CACNA2D3: variants seen among roughly 807,000 people sequenced by gnomAD.
CACNA2D3 encodes calcium voltage-gated channel auxiliary subunit alpha2delta 3, also known as voltage-dependent calcium channel subunit alpha-2/delta-3.
A neutral mutation model predicts 160.6 loss-of-function variants in CACNA2D3; 60 were observed. That is an observed-to-expected ratio of 0.37 (90% CI 0.30 to 0.46). The LOEUF (loss-of-function observed/expected upper bound fraction) is 0.46. Among genes scored for constraint, CACNA2D3 ranks in the 20% least tolerant of loss-of-function variants. The pLI, the probability that CACNA2D3 is intolerant of heterozygous loss-of-function variation, is 1.00. For missense variants in CACNA2D3, 1,205 were observed against 1,365.0 expected, an observed-to-expected ratio of 0.88 and a Z score of 1.85; for synonymous variants, 558 against 492.9, an observed-to-expected ratio of 1.13 and a Z score of -1.75.
At chr3:54,992,305 T>C (rs1222875868) in intron 31 of CACNA2D3, among the ~76,000 whole-genome samples, 1 of 152,166 alleles carries the variant, frequency 6.6e-6, no homozygotes, top group Non-Finnish European at 1.5e-5. Context: ...TAATTATTCA[T>C]ATACCTACAA....
chr3:54,941,787 G>T (rs1260340252), intron 27 of CACNA2D3, among the ~76,000 whole-genome samples: 1 of 152,178 alleles, frequency 6.6e-6, no homozygotes, highest in Admixed American at 6.5e-5. Flanking sequence ...TAAGTCAAAG[G>T]CTAGGGTGAG....
At chr3:54,492,868 C>A (rs1460905099) in intron 4 of CACNA2D3, among the ~76,000 whole-genome samples, 1 of 152,146 alleles carries the variant, frequency 6.6e-6, no homozygotes. Context: ...TCTGGACATG[C>A]TGCATCTGGG....
chr3:54,873,801 T>C (rs1699597615), intron 18 of CACNA2D3, among the ~76,000 whole-genome samples: 1 of 152,228 alleles, frequency 6.6e-6, no homozygotes, highest in African/African-American at 2.4e-5. Flanking sequence ...ATTCCTTCTC[T>C]ATCAACATAT....
intron 2 of CACNA2D3, among the ~76,000 whole-genome samples, chr3:54,141,435 C>T (rs551002377): frequency 2.0e-4 from 31 of 152,226 alleles, no homozygotes; most frequent in East Asian, 5.8e-4. Flanking sequence ...TTCATTTTCC[C>T]GAGGCAATGG....
At chr3:54,788,986 C>T (rs1702692806) in intron 13 of CACNA2D3, among the ~76,000 whole-genome samples, 1 of 152,134 alleles carries the variant, frequency 6.6e-6, no homozygotes, top group Non-Finnish European at 1.5e-5. Flanking sequence ...TGGGTTCATG[C>T]ATTGTTGATT....
intron 32 of CACNA2D3, among the ~76,000 whole-genome samples, chr3:55,006,590 C>T (rs921702131): frequency 2.6e-5 from 4 of 152,202 alleles, no homozygotes; most frequent in African/African-American, 7.2e-5. Flanking sequence ...CTAATCCTGG[C>T]GGCCCAGAAC....
chr3:54,635,566 G>A (rs1346170308), intron 10 of CACNA2D3, among the ~76,000 whole-genome samples: 1 of 138,680 alleles, frequency 7.2e-6, no homozygotes, highest in Admixed American at 7.1e-5. Context: ...ATAAAAAGGA[G>A]CATCTATACA....
intron 17 of CACNA2D3, among the ~76,000 whole-genome samples, chr3:54,861,114 G>C (rs1699282205): frequency 6.6e-6 from 1 of 152,164 alleles, no homozygotes; most frequent in South Asian, 2.1e-4. Flanking sequence ...TTAGGACCTA[G>C]TAGGGGAAAC....
At chr3:55,038,312 C>G (rs995634175) in intron 35 of CACNA2D3, among the ~76,000 whole-genome samples, 1 of 152,034 alleles carries the variant, frequency 6.6e-6, no homozygotes, top group African/African-American at 2.4e-5. Flanking sequence ...ACAATTTTCA[C>G]GCAGGAGACG....
intron 32 of CACNA2D3, 113 bp downstream of exon 32, chr3:55,004,951 A>C: frequency 1.4e-6 from 1 of 701,606 alleles, no homozygotes; most frequent in South Asian, 2.0e-5. Flanking sequence ...AAAATCATGA[A>C]CATTTTGACT....
At chr3:54,192,965 A>G (rs1459689682) in intron 2 of CACNA2D3, among the ~76,000 whole-genome samples, 1 of 152,232 alleles carries the variant, frequency 6.6e-6, no homozygotes, top group Non-Finnish European at 1.5e-5. Context: ...AGCCCAGCAC[A>G]GGCTATCCTT....
In CACNA2D3 at chr3:54,595,966, C is replaced by T. The variant is rs577877066; in HGVS notation, c.963+14089C>T. Reference sequence around the variant, plus strand: ...AGGGCCCCTTGAATGCCACTCAGAGCCCATTTACTCTTACTTGGCATACAA... The same window carrying T: ...AGGGCCCCTTGAATGCCACTCAGAGTCCATTTACTCTTACTTGGCATACAA... On this transcript the variant is annotated intron_variant, in intron 9 of 37. Transcript: ENST00000474759. Among the ~76,000 whole-genome samples the T allele has an allele frequency of 2.5e-4, 38 of 152,184 alleles. 1 individual carries two copies. The highest frequency in any genetic ancestry group is 8.0e-4 in the African/African-American group (33 of 41,504).
chr3:54,725,362 G>A (rs1701256686), intron 11 of CACNA2D3, among the ~76,000 whole-genome samples: 1 of 152,144 alleles, frequency 6.6e-6, no homozygotes, highest in African/African-American at 2.4e-5. Flanking sequence ...CATTCCTTCT[G>A]AAACTATTCC....
At chr3:54,887,663 C>T (rs777600674) in intron 23 of CACNA2D3, among the ~76,000 whole-genome samples, 1 of 152,064 alleles carries the variant, frequency 6.6e-6, no homozygotes, top group African/African-American at 2.4e-5. Context: ...GGGACTCAGC[C>T]TGCTGGTCCA....
In CACNA2D3 at chr3:54,531,036, CG is replaced by C. The variant is rs1159567284; in HGVS notation, c.544+27384del. ...TAAAGAACACAGAGTTCAGGACACC[CG>C]GAATAAGCCCTTTAAGAGCCTGCAG... On this transcript the variant is annotated intron_variant, in intron 5 of 37. Coordinates refer to ENST00000474759, the MANE Select transcript of CACNA2D3 (RefSeq NM_018398.3). Among the ~76,000 whole-genome samples, 8 of 152,262 alleles carry C rather than the reference CG, an allele frequency of 5.3e-5. No individual in the cohort carries two copies. In the South Asian group the frequency reaches 1.5e-3, roughly 28 times the overall value.
intron 9 of CACNA2D3, chr3:54,626,235 G>A: frequency 9.8e-7 from 1 of 1,022,938 alleles, no homozygotes. Flanking sequence ...TAGAGCAGAA[G>A]AAGCAGACCT....
intron 11 of CACNA2D3, among the ~76,000 whole-genome samples, chr3:54,726,438 G>T (rs1411352806): frequency 6.6e-6 from 1 of 152,088 alleles, no homozygotes; most frequent in African/African-American, 2.4e-5. Context: ...AACCAAAAAA[G>T]AGCCTACATA....
At chr3:54,564,831 C>G (rs139662094) in intron 6 of CACNA2D3, among the ~76,000 whole-genome samples, 99 of 152,322 alleles carry the variant, frequency 6.5e-4, no homozygotes, top group African/African-American at 2.3e-3. Flanking sequence ...ACAATTCCAG[C>G]TAGCTCCAGC....
At chr3:54,133,119 C>G (rs1699748460) in intron 2 of CACNA2D3, among the ~76,000 whole-genome samples, 1 of 152,112 alleles carries the variant, frequency 6.6e-6, no homozygotes, top group African/African-American at 2.4e-5. Flanking sequence ...TTTGAGACCT[C>G]CATCAAAGTT....
Sources: gnomAD v4.1 joint callset for allele counts (sites outside exome capture counted in the v4.1 genomes callset) on GRCh38, gnomAD v4.1.1 for gene constraint, MANE v1.5 for transcripts, NCBI Gene and HGNC (gene_info 2026-07-23, HGNC 2026-07-21) for gene names.